Variants in MEGF6 observed in about 807,000 individuals in gnomAD.
MEGF6 encodes the protein multiple epidermal growth factor-like domains protein 6.
In MEGF6, 184 loss-of-function variants were observed where a neutral mutation model predicts 207.1. That is an observed-to-expected ratio of 0.89 (90% CI 0.79 to 1.00). The LOEUF is 1.00. MEGF6 is among the 50% of genes least tolerant of loss of function. The pLI, the probability that MEGF6 is intolerant of heterozygous loss-of-function variation, is 0.00. For synonymous variants in MEGF6, 1,038 were observed against 910.0 expected (o/e 1.14, Z -2.53); for missense variants, 2,282 against 2,202.9 (o/e 1.04, Z -0.72).
intron 17 of MEGF6, among the ~76,000 whole-genome samples, chr1:3,502,903 C>T (rs1006281075): frequency 3.3e-5 from 5 of 152,178 alleles, no homozygotes; most frequent in African/African-American, 1.2e-4. Flanking sequence ...CCTCCCCCAG[C>T]GAGGCGCAGC....
intron 31 of MEGF6, 32 bp downstream of exon 31, chr1:3,494,581 A>T (rs1024977290): frequency 6.4e-7 from 1 of 1,560,066 alleles, no homozygotes; most frequent in African/African-American, 1.4e-5. Context: ...CCCTGAGGGG[A>T]TGCTGGGGTC....
chr1:3,498,225 GC>G (rs1263910264), intron 26 of MEGF6, 145 bp downstream of exon 26: 2 of 1,051,760 alleles, frequency 1.9e-6, no homozygotes, highest in African/African-American at 3.2e-5. Context: ...GGGTCTTAGT[GC>G]TCCGACGGCA....
intron 1 of MEGF6, 74 bp downstream of exon 1, chr1:3,611,064 G>C (rs947190193): frequency 2.9e-6 from 4 of 1,377,662 alleles, no homozygotes; most frequent in Non-Finnish European, 3.7e-6. Context: ...CTCGGAGCTC[G>C]GTCCACCACG....
At chr1:3,535,577 C>T (rs1298069308) in intron 4 of MEGF6, among the ~76,000 whole-genome samples, 1 of 152,184 alleles carries the variant, frequency 6.6e-6, no homozygotes, top group Non-Finnish European at 1.5e-5. Flanking sequence ...TCTGCTGCCC[C>T]ATGCCCACCC....
In MEGF6 at chr1:3,565,935, C is replaced by G. The variant is rs1441104236; in HGVS notation, c.481+13890G>C. ...TCCAGCTTCCTCCTCCCTGAGACCT[C>G]AGGGTCAGCTGCTATAGGACCCGCC... is the stretch of plus-strand genomic sequence containing the variant. On this transcript the variant is annotated intron_variant, in intron 4 of 36. Transcript: ENST00000356575. The surrounding 1 kb of genome is among the most constrained non-coding windows in gnomAD (Gnocchi z 4.8). Among the ~76,000 whole-genome samples, 4 of 152,184 alleles carry G rather than the reference C, an allele frequency of 2.6e-5. No individual in the cohort carries two copies. Among genetic ancestry groups the G allele is most frequent in the Non-Finnish European group, 5.9e-5 (4 of 68,012 alleles).
chr1:3,614,800 C>T (rs976363318), upstream of MEGF6, among the ~76,000 whole-genome samples: 3 of 152,244 alleles, frequency 2.0e-5, no homozygotes, highest in Non-Finnish European at 4.4e-5. Context: ...AAGGAGGAAT[C>T]TCCCTGGTTA....
chr1:3,609,743 G>A (rs571261909), intron 1 of MEGF6, among the ~76,000 whole-genome samples: 1 of 152,326 alleles, frequency 6.6e-6, no homozygotes, highest in African/African-American at 2.4e-5. Flanking sequence ...CAGGACACAG[G>A]AAGCAGACCC....
At position 3,611,190 on chromosome 1, in the gene MEGF6, G is replaced by A. The variant is rs1644319735; in HGVS notation, c.79C>T (p.Pro27Ser). The A allele has an allele frequency of 1.9e-6, 3 of 1,549,894 alleles. No individual in the cohort carries two copies. The highest frequency in any genetic ancestry group is 1.7e-6 in the Non-Finnish European group (2 of 1,157,858). ...CGCGGCGGAACGCTGGCGCCCACGG[G>A]CACGGCGGGGAGCAGCAGCAGCACC... ...ALVLLLLPAV[P>S]VGASVPPRPL... Residue 27 changes from proline to serine, a missense_variant, in exon 1 of 37, where the codon CCC becomes TCC. Transcript: ENST00000356575.
intron 18 of MEGF6, among the ~76,000 whole-genome samples, chr1:3,501,565 A>G (rs1274833688): frequency 6.6e-6 from 1 of 152,104 alleles, no homozygotes; most frequent in Admixed American, 6.5e-5. Context: ...TTAGAGATGG[A>G]GCCTCATGCA....
intron 17 of MEGF6, 124 bp from the exon 18 acceptor site, chr1:3,502,045 C>A: frequency 3.0e-6 from 4 of 1,328,878 alleles, no homozygotes; most frequent in Non-Finnish European, 4.1e-6. Flanking sequence ...GCGAGTGTGC[C>A]CCCCCGGCGC....
chr1:3,534,753 C>T (rs1642275316), intron 4 of MEGF6, among the ~76,000 whole-genome samples: 3 of 152,160 alleles, frequency 2.0e-5, no homozygotes, highest in Admixed American at 2.0e-4. Flanking sequence ...GTGGACACAG[C>T]CATGGTCCGG....
chr1:3,580,815 T>C (rs1643779115), intron 3 of MEGF6, among the ~76,000 whole-genome samples: 1 of 152,074 alleles, frequency 6.6e-6, no homozygotes, highest in Non-Finnish European at 1.5e-5. Context: ...GGTGACTGCA[T>C]GGTCAGCACA....
At chr1:3,572,854 T>G (rs1384215828) in intron 4 of MEGF6, among the ~76,000 whole-genome samples, 2 of 125,860 alleles carry the variant, frequency 1.6e-5, no homozygotes, top group African/African-American at 6.2e-5. Context: ...CCTTCCTGGG[T>G]GTGCTGGGTT....
intron 3 of MEGF6, among the ~76,000 whole-genome samples, chr1:3,584,453 C>A: frequency 6.6e-6 from 1 of 152,210 alleles, no homozygotes; most frequent in Admixed American, 6.5e-5. Flanking sequence ...GCGGATCAAG[C>A]CTTCCTCTCC....
chr1:3,598,567 C>G (rs1204832994), intron 2 of MEGF6, among the ~76,000 whole-genome samples: 6 of 152,200 alleles, frequency 3.9e-5, no homozygotes, highest in Non-Finnish European at 5.9e-5. Flanking sequence ...CTGACCACCC[C>G]CTCCATCCCC....
intron 21 of MEGF6, 65 bp from the exon 22 acceptor site, chr1:3,499,989 G>A: frequency 6.7e-7 from 1 of 1,490,558 alleles, no homozygotes; most frequent in Non-Finnish European, 8.9e-7. Context: ...GCCGTGCCCG[G>A]GCCTTGCCGC....
At chr1:3,549,532 G>A (rs910554399) in intron 4 of MEGF6, among the ~76,000 whole-genome samples, 13 of 152,322 alleles carry the variant, frequency 8.5e-5, no homozygotes, top group African/African-American at 2.9e-4. Context: ...GGGGGCACAT[G>A]GTCATGCTCG....
Position 3,517,419 on chromosome 1 carries a change from C to T in MEGF6, c.605-1892G>A, listed in dbSNP as rs200650649. Among the ~76,000 whole-genome samples, 10 of 152,338 alleles carry T rather than the reference C, an allele frequency of 6.6e-5. No homozygotes were observed. The South Asian group carries it at 8.3e-4, about 13-fold the overall frequency. On this transcript the variant is annotated intron_variant, in intron 5 of 36. Coordinates refer to ENST00000356575, the MANE Select transcript of MEGF6 (RefSeq NM_001409.4). ...ATCCCCCCAGAGCCTGTCCTCTTGC[C>T]ACTCCAGTCCACACAGTTCTAACAC...
intron 7 of MEGF6, among the ~76,000 whole-genome samples, chr1:3,512,696 C>A (rs1351349775): frequency 6.6e-6 from 1 of 152,244 alleles, no homozygotes; most frequent in Non-Finnish European, 1.5e-5. Flanking sequence ...CTCCTCCTGG[C>A]CTCCCGCCAT....
Sources: gnomAD v4.1 joint callset for allele counts (sites outside exome capture counted in the v4.1 genomes callset) on GRCh38, gnomAD v4.1.1 for gene constraint, Gnocchi (gnomAD v3.1) non-coding constraint, MANE v1.5 for transcripts, NCBI Gene and HGNC (gene_info 2026-07-23, HGNC 2026-07-21) for gene names.